SGMS1: variants seen among roughly 807,000 people sequenced by gnomAD.
SGMS1 encodes the protein phosphatidylcholine:ceramide cholinephosphotransferase 1.
Under a neutral mutation model 46.2 loss-of-function variants are expected in SGMS1, and 13 were observed. That is an observed-to-expected ratio of 0.28 (90% CI 0.18 to 0.45). The LOEUF (loss-of-function observed/expected upper bound fraction) is 0.45, where lower values mean the gene tolerates loss of function less well. Ranked by LOEUF, SGMS1 falls within the 20% of genes least tolerant of loss-of-function variation. The pLI is 1.00. For missense variants in SGMS1, 324 were observed against 519.9 expected (o/e 0.62, Z 3.66); for synonymous variants, 203 against 187.8 (o/e 1.08, Z -0.66).
chr10:50,367,691 A>G (rs10508927), intron 6 of SGMS1, among the ~76,000 whole-genome samples: 24,548 of 152,268 alleles, frequency 0.16, 2,447 homozygotes, highest in East Asian at 0.26. Flanking sequence ...ACAAATATCC[A>G]TCAATCAATT....
intron 8 of SGMS1, among the ~76,000 whole-genome samples, chr10:50,313,311 A>G (rs1048334245): frequency 2.0e-5 from 3 of 152,226 alleles, no homozygotes; most frequent in Admixed American, 1.3e-4. Context: ...GTGAATGCCT[A>G]TATTCAAAAA....
At chr10:50,482,091 C>T (rs745572159) in intron 3 of SGMS1, among the ~76,000 whole-genome samples, 3 of 152,170 alleles carry the variant, frequency 2.0e-5, no homozygotes, top group Non-Finnish European at 4.4e-5. Context: ...AAGTTGGAAA[C>T]ATACTTCAGG....
chr10:50,560,329 ATTAT>A (rs1838224418), intron 2 of SGMS1, among the ~76,000 whole-genome samples: 2 of 137,432 alleles, frequency 1.5e-5, no homozygotes, highest in South Asian at 4.4e-4. Context: ...AATATTATAT[ATTAT>A]TAATATTATT....
intron 3 of SGMS1, among the ~76,000 whole-genome samples, chr10:50,471,104 G>C (rs1295583134): frequency 1.3e-5 from 2 of 152,160 alleles, no homozygotes; most frequent in African/African-American, 2.4e-5. Flanking sequence ...TCCAGGCAAT[G>C]GTGAGATAGG....
chr10:50,624,219 G>A (rs1838890609), upstream of SGMS1: 2 of 689,444 alleles, frequency 2.9e-6, no homozygotes, highest in Non-Finnish European at 3.6e-6. Context: ...GGCCTAGCGG[G>A]AGCCAGATTT....
At chr10:50,523,127 C>G (rs1272653573) in intron 2 of SGMS1, among the ~76,000 whole-genome samples, 1 of 152,198 alleles carries the variant, frequency 6.6e-6, no homozygotes, top group Non-Finnish European at 1.5e-5. Context: ...GCCTGCTGTT[C>G]ACTGCCTGAA....
intron 6 of SGMS1, among the ~76,000 whole-genome samples, chr10:50,423,989 C>A (rs1849290488): frequency 6.6e-6 from 1 of 152,190 alleles, no homozygotes; most frequent in Admixed American, 6.5e-5. Flanking sequence ...CACTGCAAGG[C>A]AGATATTAAC....
At chr10:50,582,041 G>C (rs1217511810) in intron 2 of SGMS1, among the ~76,000 whole-genome samples, 3 of 152,206 alleles carry the variant, frequency 2.0e-5, no homozygotes, top group African/African-American at 4.8e-5. Context: ...AAGCGGCTCT[G>C]GCCCTCCAGC....
chr10:50,446,570 A>T (rs1002876231), intron 5 of SGMS1, among the ~76,000 whole-genome samples: 1 of 152,242 alleles, frequency 6.6e-6, no homozygotes, highest in Non-Finnish European at 1.5e-5. Context: ...ATGCAATAGA[A>T]TACTACTCAA....
intron 6 of SGMS1, among the ~76,000 whole-genome samples, chr10:50,390,880 T>C (rs1418305500): frequency 1.3e-5 from 2 of 152,146 alleles, no homozygotes; most frequent in East Asian, 3.9e-4. Context: ...GTCACCAGCA[T>C]ACCCAAATAA....
intron 2 of SGMS1, among the ~76,000 whole-genome samples, chr10:50,549,336 A>G (rs981877473): frequency 1.3e-5 from 2 of 152,218 alleles, no homozygotes; most frequent in African/African-American, 4.8e-5. Context: ...AAATGTACAT[A>G]TACACCATGG....
Position 50,618,368 on chromosome 10 carries a change from C to G in SGMS1, c.-684+5339G>C, listed in dbSNP as rs1196635164. ...TTAATGGACTGGGGCTATATCAAAA[C>G]TAAAAATTTCTCAAAGTTACCATTG... On this transcript the variant is annotated intron_variant, in intron 1 of 10. Transcript: ENST00000361781. 2.0e-5 allele frequency among the ~76,000 whole-genome samples: 3 copies of G among 152,158 alleles called. No individual in the cohort carries two copies. The East Asian group carries it at 5.8e-4, about 29-fold the overall frequency.
At chr10:50,494,346 C>T (rs1460644403) in intron 3 of SGMS1, among the ~76,000 whole-genome samples, 1 of 152,162 alleles carries the variant, frequency 6.6e-6, no homozygotes, top group East Asian at 1.9e-4. Context: ...CATTACAGGA[C>T]TATTCACAAT....
intron 5 of SGMS1, among the ~76,000 whole-genome samples, chr10:50,458,142 C>T (rs936037021): frequency 3.9e-5 from 6 of 152,210 alleles, no homozygotes; most frequent in Admixed American, 1.3e-4. Flanking sequence ...TAGAAGCTTT[C>T]GCTTCTGTGA....
At chr10:50,345,675 T>A (rs1355844993) in intron 6 of SGMS1, among the ~76,000 whole-genome samples, 1 of 152,206 alleles carries the variant, frequency 6.6e-6, no homozygotes, top group Non-Finnish European at 1.5e-5. Flanking sequence ...CCGAAACTTT[T>A]TGAGAATTGA....
chr10:50,376,458 G>A (rs1293919537), intron 6 of SGMS1, among the ~76,000 whole-genome samples: 1 of 152,144 alleles, frequency 6.6e-6, no homozygotes, highest in African/African-American at 2.4e-5. Flanking sequence ...TATACTTTAA[G>A]TTCTAGGGTA....
At chr10:50,463,597 C>T (rs1837293877) in intron 4 of SGMS1, among the ~76,000 whole-genome samples, 1 of 152,168 alleles carries the variant, frequency 6.6e-6, no homozygotes, top group East Asian at 1.9e-4. Context: ...ATCGTACATC[C>T]ACTATGGAAT....
chr10:50,321,461 A>G (rs1847442439), intron 8 of SGMS1, among the ~76,000 whole-genome samples: 1 of 152,240 alleles, frequency 6.6e-6, no homozygotes. Context: ...CTGAAAAAGG[A>G]AGAGAACAGC....
At chr10:50,493,716 A>C (rs959975958) in intron 3 of SGMS1, among the ~76,000 whole-genome samples, 21 of 152,106 alleles carry the variant, frequency 1.4e-4, no homozygotes, top group East Asian at 1.9e-4. Flanking sequence ...AAAAAAAAAA[A>C]CTCAACATCA....
Sources: gnomAD v4.1 joint callset for allele counts (sites outside exome capture counted in the v4.1 genomes callset) on GRCh38, gnomAD v4.1.1 for gene constraint, MANE v1.5 for transcripts, NCBI Gene and HGNC (gene_info 2026-07-23, HGNC 2026-07-21) for gene names.